Variants in SDK1 observed in about 807,000 individuals in gnomAD.
SDK1 encodes sidekick cell adhesion molecule 1, also known as protein sidekick-1.
SDK1 carries 157 observed loss-of-function variants against 245.5 expected under a neutral mutation model. The observed-to-expected ratio is 0.64, with a 90% CI of 0.56 to 0.73. The LOEUF is 0.73. SDK1 is among the 30% of genes least tolerant of loss of function. The probability of loss-of-function intolerance (pLI) is 0.00; values close to 1 mark genes in which losing one functional copy is unlikely to be tolerated. For synonymous variants in SDK1, 1,647 were observed against 1,278.5 expected, an observed-to-expected ratio of 1.29 and a Z score of -6.15; for missense variants, 3,583 against 3,002.3, an observed-to-expected ratio of 1.19 and a Z score of -4.52.
At chr7:3,348,094 A>G (rs1780556290) in intron 1 of SDK1, among the ~76,000 whole-genome samples, 1 of 152,146 alleles carries the variant, frequency 6.6e-6, no homozygotes, top group Admixed American at 6.5e-5. Flanking sequence ...ACCTCCCTAA[A>G]TGTCTCTCAC....
At chr7:3,934,658 C>T (rs889283503) in intron 5 of SDK1, among the ~76,000 whole-genome samples, 10 of 152,226 alleles carry the variant, frequency 6.6e-5, no homozygotes, top group Non-Finnish European at 1.5e-4. Flanking sequence ...ACAAGTATCA[C>T]GTGCCTTCCA....
intron 1 of SDK1, among the ~76,000 whole-genome samples, chr7:3,610,343 G>A (rs114262415): frequency 0.031 from 4,719 of 152,100 alleles, 219 homozygotes; most frequent in African/African-American, 0.1. Flanking sequence ...AAGATTATTC[G>A]AAAGAATCTT....
intron 5 of SDK1, among the ~76,000 whole-genome samples, chr7:3,876,398 A>G (rs1781078199): frequency 6.6e-6 from 1 of 152,232 alleles, no homozygotes; most frequent in African/African-American, 2.4e-5. Context: ...GGATGTGGAA[A>G]GAATCATCAC....
intron 1 of SDK1, among the ~76,000 whole-genome samples, chr7:3,428,911 T>A (rs548351360): frequency 1.3e-5 from 2 of 152,346 alleles, no homozygotes; most frequent in South Asian, 4.1e-4. Flanking sequence ...GATATTGAGA[T>A]ACTCTGCTTA....
intron 1 of SDK1, among the ~76,000 whole-genome samples, chr7:3,447,655 T>C (rs1780382391): frequency 6.6e-6 from 1 of 152,058 alleles, no homozygotes; most frequent in Non-Finnish European, 1.5e-5. Context: ...TGTTTTTTGT[T>C]TCTGTTATAA....
intron 4 of SDK1, among the ~76,000 whole-genome samples, chr7:3,806,381 A>AGGATGTGGATGTCCACATTAGGATGT (rs1779247474): frequency 2.8e-5 from 3 of 108,090 alleles, no homozygotes; most frequent in South Asian, 2.5e-4. Context: ...TGTCCACATT[A>AGGATGTGGATGTCCACATTAGGATGT]GGACGTGGAT....
chr7:4,253,878 T>C (rs530706926), intron 44 of SDK1, among the ~76,000 whole-genome samples: 1 of 152,230 alleles, frequency 6.6e-6, no homozygotes, highest in African/African-American at 2.4e-5. Context: ...AATAAAGATA[T>C]GTCTCGTATC....
chr7:3,736,857 C>T (rs868061368), intron 4 of SDK1, among the ~76,000 whole-genome samples: 1 of 152,214 alleles, frequency 6.6e-6, no homozygotes, highest in Non-Finnish European at 1.5e-5. Context: ...TTATTAACTG[C>T]AGTCACCACG....
intron 35 of SDK1, among the ~76,000 whole-genome samples, chr7:4,200,772 A>G (rs1000336761): frequency 6.6e-6 from 1 of 152,252 alleles, no homozygotes; most frequent in Non-Finnish European, 1.5e-5. Context: ...GAAGCAAGCC[A>G]TGTATTCAGC....
intron 5 of SDK1, among the ~76,000 whole-genome samples, chr7:3,859,644 C>A: frequency 6.6e-6 from 1 of 152,116 alleles, no homozygotes; most frequent in East Asian, 1.9e-4. Flanking sequence ...CATAAAAATT[C>A]CTTCTCTTTT....
At chr7:3,396,017 G>C (rs1319737527) in intron 1 of SDK1, among the ~76,000 whole-genome samples, 4 of 151,482 alleles carry the variant, frequency 2.6e-5, no homozygotes, top group Admixed American at 2.6e-4. Flanking sequence ...TTAGTCTTCT[G>C]TTTTCTACAT....
chr7:3,346,815 A>G (rs1780515519), intron 1 of SDK1, among the ~76,000 whole-genome samples: 1 of 44,310 alleles, frequency 2.3e-5, no homozygotes, highest in Non-Finnish European at 4.2e-5. Context: ...GTGTATATAT[A>G]TATATATATA....
At chr7:3,657,063 C>A (rs1783209064) in intron 4 of SDK1, among the ~76,000 whole-genome samples, 2 of 152,100 alleles carry the variant, frequency 1.3e-5, no homozygotes, top group Admixed American at 6.5e-5. Flanking sequence ...GAAATCTTGA[C>A]TGTCAAAGTT....
At chr7:3,531,630 T>C (rs944136923) in intron 1 of SDK1, among the ~76,000 whole-genome samples, 2 of 152,212 alleles carry the variant, frequency 1.3e-5, no homozygotes, top group Non-Finnish European at 2.9e-5. Flanking sequence ...TTATTTGCTA[T>C]CAGCCATACT....
rs148341523 is a variant in SDK1, at chr7:3,532,305, G to C, written c.299-86775G>C. ...GGATCCAGGGAGGCTCAGAGTGAGGGTGTAGGGAAGAAAGAGTATTCTTTA... is the reference window on the plus strand; with the variant it reads ...GGATCCAGGGAGGCTCAGAGTGAGGCTGTAGGGAAGAAAGAGTATTCTTTA... On this transcript the variant is annotated intron_variant, in intron 1 of 44. Coordinates refer to ENST00000404826, the MANE Select transcript of SDK1 (RefSeq NM_152744.4). 2.6e-3 allele frequency among the ~76,000 whole-genome samples: 396 copies of C among 152,288 alleles called. 2 individuals carry two copies. The highest frequency in any genetic ancestry group is 9.0e-3 in the African/African-American group (375 of 41,556).
At chr7:3,413,436 T>A (rs981401739) in intron 1 of SDK1, among the ~76,000 whole-genome samples, 1 of 152,210 alleles carries the variant, frequency 6.6e-6, no homozygotes, top group Non-Finnish European at 1.5e-5. Context: ...GGCTCACATC[T>A]GTAATCCCAG....
intron 1 of SDK1, among the ~76,000 whole-genome samples, chr7:3,477,253 C>T (rs1163795118): frequency 4.0e-5 from 5 of 125,562 alleles, no homozygotes; most frequent in South Asian, 5.1e-4. Context: ...TGGAGTGCAG[C>T]GGCGCGATCT....
rs1305262379 is a variant in SDK1 at position 3,500,738 on chromosome 7, T to A, written c.299-118342T>A. On this transcript the variant is annotated intron_variant, in intron 1 of 44. Coordinates refer to ENST00000404826, the MANE Select transcript of SDK1 (RefSeq NM_152744.4). ...TCATTTCATTAATGACTTCATCCTT[T>A]AATTTTTTCCTCTCCTTTCTTTCTA... Among the ~76,000 whole-genome samples, 3 of 152,270 alleles carry A rather than the reference T, an allele frequency of 2.0e-5. No homozygotes were observed. In the East Asian group the frequency reaches 5.8e-4, roughly 29 times the overall value.
chr7:3,837,892 C>T (rs1331350683), intron 5 of SDK1, among the ~76,000 whole-genome samples: 1 of 152,138 alleles, frequency 6.6e-6, no homozygotes, highest in East Asian at 1.9e-4. Context: ...TCAAACTGGC[C>T]ACATGACCCA....
Sources: allele counts gnomAD v4.1 joint callset (sites outside exome capture counted in the v4.1 genomes callset), GRCh38; gene constraint gnomAD v4.1.1; transcripts MANE v1.5; gene names NCBI Gene and HGNC (gene_info 2026-07-23, HGNC 2026-07-21).